The following TRMT9B variants were observed in gnomAD, a reference collection of about 807,000 sequenced individuals.
TRMT9B encodes tRNA methyltransferase 9B (putative).
A neutral mutation model predicts 11.5 loss-of-function variants in TRMT9B; 16 were observed. That is an observed-to-expected ratio of 1.39 (90% CI 0.94 to 2.11). The LOEUF (loss-of-function observed/expected upper bound fraction) is 2.11. Ranked by LOEUF, TRMT9B falls within the 30% of genes most tolerant of loss-of-function variation. TRMT9B has a pLI of 0.00. For synonymous variants in TRMT9B, 274 were observed against 192.4 expected, an observed-to-expected ratio of 1.42 and a Z score of -3.51; for missense variants, 941 against 553.8, an observed-to-expected ratio of 1.70 and a Z score of -7.02.
At chr8:12,954,886 G>C (rs978320355) in intron 1 of TRMT9B, among the ~76,000 whole-genome samples, 4 of 152,154 alleles carry the variant, frequency 2.6e-5, no homozygotes, top group African/African-American at 9.7e-5. Context: ...AGATCACCTG[G>C]ATTAAAAAGC....
At chr8:13,013,977 G>T (rs1331896627) in intron 4 of TRMT9B, among the ~76,000 whole-genome samples, 1 of 152,064 alleles carries the variant, frequency 6.6e-6, no homozygotes, top group Non-Finnish European at 1.5e-5. Flanking sequence ...AAAACTATTT[G>T]ATTAATAAGT....
intron 2 of TRMT9B, among the ~76,000 whole-genome samples, chr8:12,996,191 C>T (rs1261702599): frequency 6.6e-6 from 1 of 152,150 alleles, no homozygotes; most frequent in Non-Finnish European, 1.5e-5. Flanking sequence ...GAAGCTGTGG[C>T]TGGCACAATT....
intron 1 of TRMT9B, among the ~76,000 whole-genome samples, chr8:12,969,846 A>ATT (rs368805990): frequency 4.4e-4 from 55 of 124,348 alleles, no homozygotes; most frequent in Non-Finnish European, 5.3e-4. Context: ...TAATGTTTTA[A>ATT]TTTTTTTTTT....
chr8:12,955,884 T>A (rs1325221519), intron 1 of TRMT9B, among the ~76,000 whole-genome samples: 2 of 152,098 alleles, frequency 1.3e-5, no homozygotes, highest in African/African-American at 4.8e-5. Context: ...CTGCTGTCAT[T>A]GCCACAGCCT....
intron 1 of TRMT9B, among the ~76,000 whole-genome samples, chr8:12,947,011 T>C (rs1467799272): frequency 2.0e-5 from 3 of 152,162 alleles, no homozygotes; most frequent in Non-Finnish European, 4.4e-5. Flanking sequence ...AGGAGATGGC[T>C]ACTGGGACTC....
intron 1 of TRMT9B, among the ~76,000 whole-genome samples, chr8:12,950,281 T>C (rs1010230620): frequency 3.9e-5 from 6 of 152,214 alleles, no homozygotes; most frequent in South Asian, 2.1e-4. Flanking sequence ...TACTTTCCTG[T>C]TTATCACAGT....
rs546484930 is a variant in TRMT9B, at chr8:13,005,579, TA to T, written c.-1-618del. Among the ~76,000 whole-genome samples, 8 of 152,148 alleles carry T rather than the reference TA, an allele frequency of 5.3e-5. No individual in the cohort carries two copies. The South Asian group carries it at 1.7e-3, about 32-fold the overall frequency. On this transcript the variant is annotated intron_variant, in intron 2 of 4. Coordinates refer to ENST00000524591, the MANE Select transcript of TRMT9B (RefSeq NM_020844.3). ...ACACCTACTATGTACCCACAAAAAT[TA>T]AAAATAAATAAATAAGAAGCAACAC...
intron 2 of TRMT9B, among the ~76,000 whole-genome samples, chr8:13,001,555 A>T (rs1809461137): frequency 6.6e-6 from 1 of 152,264 alleles, no homozygotes; most frequent in Admixed American, 6.5e-5. Context: ...TGTTTTGGGG[A>T]CATTCTTAAA....
intron 1 of TRMT9B, among the ~76,000 whole-genome samples, chr8:12,975,969 A>G (rs1485461825): frequency 1.3e-5 from 2 of 152,212 alleles, no homozygotes; most frequent in East Asian, 1.9e-4. Context: ...TCAGTTCTAT[A>G]TGAGCCATGG....
chr8:13,004,882 C>A (rs759024929), intron 2 of TRMT9B, among the ~76,000 whole-genome samples: 12 of 151,904 alleles, frequency 7.9e-5, no homozygotes, highest in Non-Finnish European at 1.5e-4. Context: ...GTGGGAAGGG[C>A]TGCATCTCAT....
At chr8:13,013,978 A>T (rs1812150589) in intron 4 of TRMT9B, among the ~76,000 whole-genome samples, 2 of 152,164 alleles carry the variant, frequency 1.3e-5, no homozygotes, top group Non-Finnish European at 2.9e-5. Flanking sequence ...AAACTATTTG[A>T]TTAATAAGTT....
At chr8:12,973,985 T>A (rs1804028228) in intron 1 of TRMT9B, among the ~76,000 whole-genome samples, 1 of 151,966 alleles carries the variant, frequency 6.6e-6, no homozygotes, top group Non-Finnish European at 1.5e-5. Flanking sequence ...TATAGTGAGA[T>A]GTCATCTCCA....
chr8:12,976,647 T>C (rs538090809), intron 1 of TRMT9B, among the ~76,000 whole-genome samples: 91 of 152,222 alleles, frequency 6.0e-4, no homozygotes, highest in African/African-American at 2.2e-3. Flanking sequence ...AAGTGGCATA[T>C]TCAAAAGATG....
At chr8:12,962,226 TG>T (rs1802216906) in intron 1 of TRMT9B, 3 of 152,212 alleles carry the variant, frequency 2.0e-5, no homozygotes, top group African/African-American at 4.8e-5. Context: ...TATGGAAAAA[TG>T]GGCTTCATCA....
chr8:12,995,176 T>A (rs1431509946), intron 2 of TRMT9B, among the ~76,000 whole-genome samples: 1 of 152,186 alleles, frequency 6.6e-6, no homozygotes, highest in Non-Finnish European at 1.5e-5. Context: ...ACTCTAGACT[T>A]TCTAGAGCAA....
intron 3 of TRMT9B, chr8:13,011,568 T>C (rs1811616305): frequency 1.1e-6 from 1 of 938,640 alleles, no homozygotes; most frequent in Admixed American, 6.2e-5. Context: ...TGTGATAGAA[T>C]ATAATACTAA....
chr8:12,984,924 A>T (rs1157952570), intron 1 of TRMT9B, among the ~76,000 whole-genome samples: 1 of 149,162 alleles, frequency 6.7e-6, no homozygotes, highest in Non-Finnish European at 1.5e-5. Context: ...GAATTTTTGC[A>T]TTATCCTCTT....
chr8:12,994,163 T>C (rs1314453865), intron 2 of TRMT9B, among the ~76,000 whole-genome samples: 1 of 152,206 alleles, frequency 6.6e-6, no homozygotes, highest in African/African-American at 2.4e-5. Flanking sequence ...AAACAGAAGC[T>C]TTTAAAAGTA....
chr8:12,979,159 A>G (rs1804947770), intron 1 of TRMT9B, among the ~76,000 whole-genome samples: 2 of 152,166 alleles, frequency 1.3e-5, no homozygotes, highest in African/African-American at 4.8e-5. Flanking sequence ...TGAGGAAGTA[A>G]GCGTTGTCCT....
Sources: gnomAD v4.1 joint callset for allele counts (sites outside exome capture counted in the v4.1 genomes callset) on GRCh38, gnomAD v4.1.1 for gene constraint, MANE v1.5 for transcripts, NCBI Gene and HGNC (gene_info 2026-07-23, HGNC 2026-07-21) for gene names.